CROCC2: variants seen among roughly 807,000 people sequenced by gnomAD.
CROCC2 encodes the protein ciliary rootlet coiled-coil, rootletin family member 2, also known as ciliary rootlet coiled-coil protein 2.
In CROCC2, 163 loss-of-function variants were observed where a neutral mutation model predicts 177.6. The observed-to-expected ratio is 0.92, with a 90% CI of 0.81 to 1.05. CROCC2 has a LOEUF of 1.05. Among genes scored for constraint, CROCC2 ranks in the 50% least tolerant of loss-of-function variants. The pLI is 0.00. For missense variants in CROCC2, 1,929 were observed against 1,797.8 expected (o/e 1.07, Z -1.32); for synonymous variants, 904 against 787.3 (o/e 1.15, Z -2.48).
At chr2:240,938,640 G>A (rs1172564771) in intron 14 of CROCC2, among the ~76,000 whole-genome samples, 2 of 152,082 alleles carry the variant, frequency 1.3e-5, no homozygotes, top group Non-Finnish European at 1.5e-5. Context: ...AAATTGTTTA[G>A]AATTTATAGA....
intron 4 of CROCC2, among the ~76,000 whole-genome samples, chr2:240,922,971 G>A (rs181667596): frequency 3.3e-5 from 5 of 152,026 alleles, no homozygotes; most frequent in East Asian, 1.9e-4. Context: ...GGCCTCTCAC[G>A]CAACCAGGCA....
At chr2:240,987,501 A>G (rs1268953099) in intron 28 of CROCC2, among the ~76,000 whole-genome samples, 1 of 152,220 alleles carries the variant, frequency 6.6e-6, no homozygotes, top group Non-Finnish European at 1.5e-5. Flanking sequence ...AGTCCTGAAG[A>G]AGAAAGGAAC....
chr2:240,961,512 CACAT>C (rs1007206320), intron 20 of CROCC2, among the ~76,000 whole-genome samples: 13 of 149,602 alleles, frequency 8.7e-5, no homozygotes, highest in Non-Finnish European at 5.9e-5. Context: ...GTATGCACAC[CACAT>C]ACAGAGTGGA....
At chr2:240,931,240 G>A in intron 7 of CROCC2, 112 bp downstream of exon 7, 1 of 605,032 alleles carries the variant, frequency 1.7e-6, no homozygotes, top group South Asian at 1.9e-5. Flanking sequence ...TCCAGGGCAG[G>A]TGGGGCCCTG....
intron 15 of CROCC2, among the ~76,000 whole-genome samples, chr2:240,947,398 G>A (rs1376666257): frequency 6.6e-6 from 1 of 152,174 alleles, no homozygotes; most frequent in African/African-American, 2.4e-5. Flanking sequence ...TGCCCTGACA[G>A]CTGCCCCTAC....
chr2:240,986,271 C>CT (rs2059839840), intron 28 of CROCC2, among the ~76,000 whole-genome samples: 1 of 152,186 alleles, frequency 6.6e-6, no homozygotes, highest in Admixed American at 6.5e-5. Flanking sequence ...CCCGCGGAAG[C>CT]TGTGCCCACC....
At chr2:240,978,150 A>G (rs372764473) in intron 27 of CROCC2, among the ~76,000 whole-genome samples, 3 of 88,070 alleles carry the variant, frequency 3.4e-5, no homozygotes, top group Non-Finnish European at 6.5e-5. Flanking sequence ...TAGGAGCCTC[A>G]GGATCCCAGG....
intron 7 of CROCC2, among the ~76,000 whole-genome samples, chr2:240,931,809 G>T (rs1047963608): frequency 5.9e-5 from 9 of 152,184 alleles, no homozygotes; most frequent in East Asian, 1.9e-4. Context: ...CCACAACCCA[G>T]CCCCAAATGA....
chr2:240,946,781 C>T (rs541056525), intron 15 of CROCC2, among the ~76,000 whole-genome samples: 7 of 152,340 alleles, frequency 4.6e-5, no homozygotes, highest in East Asian at 1.9e-4. Context: ...TGCCATGGGC[C>T]GTCTTGAGCT....
At position 240,968,589 on chromosome 2, in the gene CROCC2, G is replaced by A. The variant is rs568748858; in HGVS notation, c.4401+327G>A. Reference sequence around the variant, plus strand: ...CAGCGAGTGGGGGGCAGAGCCCCAAGTCTAGGCCCTTTCTTCTTGCTGAGG... The same window carrying A: ...CAGCGAGTGGGGGGCAGAGCCCCAAATCTAGGCCCTTTCTTCTTGCTGAGG... On this transcript the variant is annotated intron_variant, in intron 27 of 31. Coordinates refer to ENST00000690015, the MANE Select transcript of CROCC2 (RefSeq NM_001351305.2). Among the ~76,000 whole-genome samples, 32 of 152,370 alleles carry A rather than the reference G, an allele frequency of 2.1e-4. No homozygotes were observed. In the East Asian group the frequency reaches 2.9e-3, roughly 14 times the overall value.
chr2:240,964,582 CA>C lies in CROCC2; in HGVS notation c.3423del (p.Asp1144ThrfsTer13), dbSNP rs2059664830. On this transcript the variant is annotated frameshift_variant, in exon 22 of 32. Transcript: ENST00000690015. LOFTEE classifies it high-confidence loss of function. ...LRAHLWELEQ[A>X]GGDARQELRE... is the part of the protein sequence containing the mutation. ...GCCCACCTGTGGGAGCTGGAGCAGG[CA>C]GGGGGGGACGCCCGTCAGGAGCTCC... 5.2e-6 allele frequency: 8 copies of C among 1,549,562 alleles called. No homozygotes were observed. The highest frequency in any genetic ancestry group is 6.1e-6 in the Non-Finnish European group (7 of 1,146,850).
chr2:240,906,891 G>A (rs1054594020), intron 1 of CROCC2, among the ~76,000 whole-genome samples: 11 of 151,632 alleles, frequency 7.3e-5, no homozygotes, highest in Admixed American at 3.3e-4. Context: ...AGGTTTGCGG[G>A]GTGGAGAGAG....
intron 27 of CROCC2, among the ~76,000 whole-genome samples, chr2:240,968,672 C>T (rs1051243715): frequency 6.6e-6 from 1 of 152,220 alleles, no homozygotes; most frequent in Non-Finnish European, 1.5e-5. Flanking sequence ...TATAGGGTCA[C>T]ACTGTCCTGC....
chr2:240,988,670 A>G, intron 28 of CROCC2, 69 bp from the exon 29 acceptor site: 1 of 1,292,672 alleles, frequency 7.7e-7, no homozygotes, highest in Non-Finnish European at 9.9e-7. Context: ...CTGTGCTCCC[A>G]GAGGAGGGCT....
chr2:240,983,812 C>CG, intron 28 of CROCC2: 1 of 338,666 alleles, frequency 3.0e-6, no homozygotes, highest in South Asian at 2.2e-5. Context: ...GGCAAATCCC[C>CG]GGCTTTGTCT....
rs11898539 is a variant in CROCC2 at position 240,972,599 on chromosome 2, T to C, written c.4401+4337T>C. 0.23 allele frequency among the ~76,000 whole-genome samples: 34,984 copies of C among 151,670 alleles called. 4,665 individuals carry two copies. Among genetic ancestry groups the C allele is most frequent in the East Asian group, 0.43 (2,203 of 5,120 alleles). Reference sequence around the variant, plus strand: ...GTCTCCACAATGAGTGCAGAGGACGTCTCTGACATTGACCAGACCTTTGTC... The same window carrying C: ...GTCTCCACAATGAGTGCAGAGGACGCCTCTGACATTGACCAGACCTTTGTC... On this transcript the variant is annotated intron_variant, in intron 27 of 31. Coordinates refer to ENST00000690015, the MANE Select transcript of CROCC2 (RefSeq NM_001351305.2). This position sits in a 1 kb window ranked among gnomAD's most constrained non-coding sequence, Gnocchi z 7.1.
chr2:240,933,389 T>A, intron 10 of CROCC2, 47 bp downstream of exon 10: 1 of 1,437,146 alleles, frequency 7.0e-7, no homozygotes, highest in Non-Finnish European at 9.2e-7. Flanking sequence ...GTGTATGGGA[T>A]CCTGAGGGCC....
chr2:240,970,744 T>C (rs182819173), intron 27 of CROCC2, among the ~76,000 whole-genome samples: 304 of 152,316 alleles, frequency 2.0e-3, no homozygotes, highest in Middle Eastern at 0.014. Context: ...TGAACTTCTC[T>C]TGGTGTCTGT....
chr2:240,918,851 C>T lies in CROCC2; in HGVS notation c.204C>T (p.Gly68=). ...VPTRIREIVA[G]SLSEEPPQAG... ...CCCGCATCCGTGAGATCGTGGCCGG[C>T]AGCCTGAGTGAGGAGCCACCCCAAG... Residue 68 remains glycine (G), a synonymous_variant, in exon 2 of 32, where the codon GGC becomes GGT. Coordinates refer to ENST00000690015, the MANE Select transcript of CROCC2 (RefSeq NM_001351305.2). This position sits in a 1 kb window ranked among gnomAD's most constrained non-coding sequence, Gnocchi z 6.3. The T allele has an allele frequency of 1.5e-6, 1 of 662,256 alleles. No homozygotes were observed. The highest frequency in any genetic ancestry group is 2.9e-5 in the East Asian group (1 of 34,508). 41.0% of individuals were successfully genotyped at this position (662,256 alleles called of 1,614,324 possible).
Sources: allele counts gnomAD v4.1 joint callset (sites outside exome capture counted in the v4.1 genomes callset), GRCh38; gene constraint gnomAD v4.1.1; non-coding constraint Gnocchi (gnomAD v3.1); transcripts MANE v1.5; gene names NCBI Gene and HGNC (gene_info 2026-07-23, HGNC 2026-07-21).